PCNX1: variants seen among roughly 807,000 people sequenced by gnomAD.
PCNX1 encodes the protein pecanex-like protein 1.
A neutral mutation model predicts 242.2 loss-of-function variants in PCNX1; 78 were observed. The ratio of observed to expected loss-of-function variants is 0.32; its 90% CI spans 0.27 to 0.39. The LOEUF is 0.39. PCNX1 is among the 10% of genes least tolerant of loss of function. The pLI, the probability that PCNX1 is intolerant of heterozygous loss-of-function variation, is 1.00. For synonymous variants in PCNX1, 1,024 were observed against 1,032.9 expected (o/e 0.99, Z 0.17); for missense variants, 2,581 against 2,856.5 (o/e 0.90, Z 2.20).
chr14:71,053,306 C>T (rs1309819586), intron 24 of PCNX1: 1 of 451,358 alleles, frequency 2.2e-6, no homozygotes, highest in Admixed American at 2.4e-5. Context: ...GAGTTTTGCC[C>T]TTGTCATCCA....
chr14:70,954,147 A>C (rs141698196), intron 2 of PCNX1, among the ~76,000 whole-genome samples: 1 of 152,106 alleles, frequency 6.6e-6, no homozygotes, highest in Non-Finnish European at 1.5e-5. Flanking sequence ...TGATTTACCC[A>C]GTATTTGTTA....
At chr14:71,039,194 C>T (rs889509613) in intron 19 of PCNX1, among the ~76,000 whole-genome samples, 1 of 151,548 alleles carries the variant, frequency 6.6e-6, no homozygotes, top group African/African-American at 2.4e-5. Flanking sequence ...GCACAATGTG[C>T]ACACGTACCC....
chr14:70,959,170 T>C (rs977570096), intron 2 of PCNX1, among the ~76,000 whole-genome samples: 31 of 151,730 alleles, frequency 2.0e-4, no homozygotes, highest in African/African-American at 4.4e-4. Flanking sequence ...TTTCTAAGTT[T>C]TGTGAAATTT....
chr14:71,083,453 T>C (rs983574803), intron 28 of PCNX1, among the ~76,000 whole-genome samples: 3 of 152,192 alleles, frequency 2.0e-5, no homozygotes. Context: ...GTTTCCAAGT[T>C]GATTCCATTC....
At position 70,907,928 on chromosome 14, in the gene PCNX1, C is replaced by T; in HGVS notation, c.78C>T (p.His26=). The T allele has an allele frequency of 6.3e-6, 10 of 1,595,334 alleles. No homozygotes were observed. Among genetic ancestry groups the T allele is most frequent in the Non-Finnish European group, 8.5e-6 (10 of 1,172,548 alleles). Residue 26 remains histidine (H), a synonymous_variant, in exon 1 of 36, where the codon CAC becomes CAT. Coordinates refer to ENST00000304743, the MANE Select transcript of PCNX1 (RefSeq NM_014982.3). The stretch of plus-strand genomic sequence containing the variant: ...GCGGGGGCTGGTACTACGACCCGCA[C>T]CAGGCCACCTTCGTGAACGCGCTGC... ...ALSGGWYYDP[H]QATFVNALHL... is the part of the protein sequence containing the mutation.
chr14:70,951,409 C>T lies in PCNX1; in HGVS notation c.362+4286C>T, dbSNP rs917057171. Among the ~76,000 whole-genome samples the T allele has an allele frequency of 5.3e-5, 8 of 152,136 alleles. No individual in the cohort carries two copies. In the South Asian group the frequency reaches 1.5e-3, roughly 28 times the overall value. On this transcript the variant is annotated intron_variant, in intron 2 of 35. Coordinates refer to ENST00000304743, the MANE Select transcript of PCNX1 (RefSeq NM_014982.3). ...TTGTTTGTTTTGAGATGGAGTCTTG[C>T]TCTGTTGCCCAGACGAGTGCAGTGG...
chr14:70,910,900 T>C (rs939242716), intron 1 of PCNX1, among the ~76,000 whole-genome samples: 3 of 152,196 alleles, frequency 2.0e-5, no homozygotes, highest in African/African-American at 7.2e-5. Flanking sequence ...TTGTTACTGT[T>C]AGAACTGCTA....
At chr14:71,059,204 C>T (rs973604915) in intron 26 of PCNX1, among the ~76,000 whole-genome samples, 1 of 152,136 alleles carries the variant, frequency 6.6e-6, no homozygotes, top group African/African-American at 2.4e-5. Flanking sequence ...GAAAAGTTAT[C>T]CAGATTTTTA....
chr14:71,040,620 G>T (rs2060676111), intron 19 of PCNX1, among the ~76,000 whole-genome samples: 1 of 151,910 alleles, frequency 6.6e-6, no homozygotes, highest in Non-Finnish European at 1.5e-5. Flanking sequence ...CATGGTAAAT[G>T]GGGTGTAATA....
intron 3 of PCNX1, among the ~76,000 whole-genome samples, chr14:70,964,150 T>G (rs1038796314): frequency 6.6e-6 from 1 of 152,186 alleles, no homozygotes; most frequent in African/African-American, 2.4e-5. Flanking sequence ...CACTGCAACC[T>G]CCATCTCACA....
intron 8 of PCNX1, among the ~76,000 whole-genome samples, chr14:71,006,960 TA>T (rs2059686335): frequency 6.6e-6 from 1 of 152,162 alleles, no homozygotes; most frequent in Non-Finnish European, 1.5e-5. Context: ...TTTAAGAACC[TA>T]AACATGCTTC....
intron 30 of PCNX1, chr14:71,092,645 A>T: frequency 6.6e-6 from 1 of 152,420 alleles, no homozygotes; most frequent in Non-Finnish European, 1.5e-5. Flanking sequence ...TGGGGAAGCC[A>T]CAAAGGACAT....
chr14:70,909,196 A>G (rs2055714591), intron 1 of PCNX1, among the ~76,000 whole-genome samples: 2 of 152,090 alleles, frequency 1.3e-5, no homozygotes, highest in Non-Finnish European at 2.9e-5. Context: ...TGCTTGAGGG[A>G]AGATGTGCAC....
Position 71,073,593 on chromosome 14 carries a change from A to G in PCNX1, c.4901A>G (p.Glu1634Gly). 1 of 1,613,912 alleles carries G rather than the reference A, an allele frequency of 6.2e-7. No homozygotes were observed. The highest frequency in any genetic ancestry group is 2.2e-5 in the East Asian group (1 of 44,874). ...REVEAITEGV[E>G]EDEGFCCCEP... ...GTGGAGGCCATTACTGAAGGTGTAG[A>G]GGAAGATGAAGGATTTTGCTGTTGT... The change falls in exon 27 of 36, where the codon GAG becomes GGG. Residue 1634 changes from glutamate to glycine, a missense_variant. Physicochemically the swap from Glu to Gly is moderately conservative, Grantham distance 98. Coordinates refer to ENST00000304743, the MANE Select transcript of PCNX1 (RefSeq NM_014982.3).
At chr14:71,064,933 C>G (rs1188492747) in intron 26 of PCNX1, among the ~76,000 whole-genome samples, 1 of 152,198 alleles carries the variant, frequency 6.6e-6, no homozygotes. Flanking sequence ...CATGTCCCTG[C>G]AAAGGCCATG....
intron 2 of PCNX1, among the ~76,000 whole-genome samples, chr14:70,953,922 C>T (rs1322597179): frequency 1.3e-5 from 2 of 152,142 alleles, no homozygotes; most frequent in East Asian, 1.9e-4. Context: ...CCCGCCTCAG[C>T]CTCCCAAAGT....
chr14:70,937,584 T>C (rs1337057307), intron 1 of PCNX1, among the ~76,000 whole-genome samples: 16 of 152,190 alleles, frequency 1.1e-4, no homozygotes, highest in Admixed American at 1.0e-3. Flanking sequence ...TCCAGCTTTG[T>C]TCTTTTGGCT....
At chr14:71,107,375 G>C (rs903447296) in intron 33 of PCNX1, among the ~76,000 whole-genome samples, 1 of 151,714 alleles carries the variant, frequency 6.6e-6, no homozygotes, top group Non-Finnish European at 1.5e-5. Flanking sequence ...TTTATTTGCT[G>C]AAGTTTTTTA....
chr14:70,910,230 C>CCTCCTCCTCCTTCTCCTCCTCCT (rs2055835203), intron 1 of PCNX1, among the ~76,000 whole-genome samples: 1 of 73,184 alleles, frequency 1.4e-5, no homozygotes, highest in Non-Finnish European at 3.1e-5. Flanking sequence ...TCCTCCTCCT[C>CCTCCTCCTCCTTCTCCTCCTCCT]TCACCAGCAC....
Sources: allele counts gnomAD v4.1 joint callset (sites outside exome capture counted in the v4.1 genomes callset), GRCh38; gene constraint gnomAD v4.1.1; transcripts MANE v1.5; gene names NCBI Gene and HGNC (gene_info 2026-07-23, HGNC 2026-07-21).